GBE1: variants seen among roughly 807,000 people sequenced by gnomAD.
GBE1 encodes 1,4-alpha-glucan-branching enzyme.
GBE1 carries 70 observed loss-of-function variants against 88.8 expected under a neutral mutation model. That is an observed-to-expected ratio of 0.79 (90% CI 0.65 to 0.96). GBE1 has a LOEUF of 0.96. Ranked by LOEUF, GBE1 falls within the 40% of genes least tolerant of loss-of-function variation. The probability of loss-of-function intolerance (pLI) is 0.00; values close to 1 mark genes in which losing one functional copy is unlikely to be tolerated. For synonymous variants in GBE1, 284 were observed against 300.1 expected (o/e 0.95, Z 0.56); for missense variants, 872 against 871.0 (o/e 1.00, Z -0.01).
intron 3 of GBE1, among the ~76,000 whole-genome samples, chr3:81,660,572 G>A (rs569489403): frequency 6.6e-6 from 1 of 152,168 alleles, no homozygotes; most frequent in Admixed American, 6.5e-5. Context: ...AAGATGAGAC[G>A]CAGTGACCTA....
chr3:81,579,606 T>C (rs530762714), intron 11 of GBE1, among the ~76,000 whole-genome samples: 1 of 152,270 alleles, frequency 6.6e-6, no homozygotes, highest in Admixed American at 6.5e-5. Context: ...AGCTATAATT[T>C]ATGCATATAT....
At chr3:81,701,663 G>A (rs914749459) in intron 2 of GBE1, among the ~76,000 whole-genome samples, 1 of 151,972 alleles carries the variant, frequency 6.6e-6, no homozygotes, top group Admixed American at 6.6e-5. Flanking sequence ...GCCAGAGGAA[G>A]AACCATTGTT....
intron 10 of GBE1, among the ~76,000 whole-genome samples, chr3:81,585,243 A>G (rs1703786964): frequency 6.6e-6 from 1 of 152,128 alleles, no homozygotes; most frequent in Non-Finnish European, 1.5e-5. Flanking sequence ...GACAGGAAAG[A>G]CAGCTAAGAA....
chr3:81,740,712 G>C (rs1009908139), intron 1 of GBE1, among the ~76,000 whole-genome samples: 2 of 151,562 alleles, frequency 1.3e-5, no homozygotes, highest in African/African-American at 4.9e-5. Context: ...TTTAGTGGCT[G>C]AATCTGGAAA....
chr3:81,498,972 G>A (rs1702550297), intron 15 of GBE1, 138 bp downstream of exon 15: 6 of 610,380 alleles, frequency 9.8e-6, no homozygotes, highest in African/African-American at 5.6e-5. Context: ...GCCAAGCGTA[G>A]TCCCCTCTCC....
chr3:81,655,645 T>C (rs1248142115), intron 3 of GBE1, among the ~76,000 whole-genome samples: 5 of 151,962 alleles, frequency 3.3e-5, no homozygotes, highest in Admixed American at 2.6e-4. Context: ...GCCTCCTGAG[T>C]AGCTGGGATT....
At chr3:81,537,660 A>G (rs1251597468) in intron 12 of GBE1, among the ~76,000 whole-genome samples, 1 of 152,048 alleles carries the variant, frequency 6.6e-6, no homozygotes, top group Non-Finnish European at 1.5e-5. Context: ...TTTTCCTACC[A>G]CATCACATTA....
At position 81,550,450 on chromosome 3, in the gene GBE1, C is replaced by A. The variant is rs149853819; in HGVS notation, c.1619-13355G>T. Among the ~76,000 whole-genome samples the A allele has an allele frequency of 2.4e-3, 364 of 151,388 alleles. 3 individuals are homozygous for A. Among genetic ancestry groups the A allele is most frequent in the African/African-American group, 8.4e-3 (349 of 41,420 alleles). Reference sequence around the variant, plus strand: ...CATCCCTCTATAACCTTTAAGAGTTCTCTTATAAAATGGAGGGAGAATATA... The same window carrying A: ...CATCCCTCTATAACCTTTAAGAGTTATCTTATAAAATGGAGGGAGAATATA... On this transcript the variant is annotated intron_variant, in intron 12 of 15. Coordinates refer to ENST00000429644, the MANE Select transcript of GBE1 (RefSeq NM_000158.4).
At chr3:81,709,845 T>C (rs1325311652) in intron 1 of GBE1, among the ~76,000 whole-genome samples, 1 of 152,212 alleles carries the variant, frequency 6.6e-6, no homozygotes, top group Non-Finnish European at 1.5e-5. Context: ...AAGCTCATCA[T>C]GCCTGTGCCC....
chr3:81,708,353 T>C (rs1405655466), intron 1 of GBE1, among the ~76,000 whole-genome samples: 1 of 152,036 alleles, frequency 6.6e-6, no homozygotes, highest in African/African-American at 2.4e-5. Flanking sequence ...ATTTATAAAC[T>C]TTAATATTTT....
chr3:81,728,267 T>C (rs1463319477), intron 1 of GBE1, among the ~76,000 whole-genome samples: 1 of 152,118 alleles, frequency 6.6e-6, no homozygotes, highest in African/African-American at 2.4e-5. Context: ...GTATTGAAAG[T>C]AATTTAAACT....
chr3:81,668,012 C>T (rs1189858153), intron 3 of GBE1, among the ~76,000 whole-genome samples: 1 of 152,144 alleles, frequency 6.6e-6, no homozygotes, highest in East Asian at 1.9e-4. Context: ...AAATGTGGTA[C>T]ATACACACCA....
chr3:81,619,249 T>C (rs1448190856), intron 7 of GBE1, among the ~76,000 whole-genome samples: 1 of 152,118 alleles, frequency 6.6e-6, no homozygotes, highest in Non-Finnish European at 1.5e-5. Flanking sequence ...GTCCTTCATA[T>C]TATCCAAGTC....
intron 3 of GBE1, among the ~76,000 whole-genome samples, chr3:81,667,067 G>A (rs371443107): frequency 6.6e-6 from 1 of 152,280 alleles, no homozygotes; most frequent in East Asian, 1.9e-4. Context: ...TTCTGAACTA[G>A]AGACAGAATG....
At chr3:81,623,551 AC>A (rs1182268918) in intron 7 of GBE1, among the ~76,000 whole-genome samples, 4 of 152,150 alleles carry the variant, frequency 2.6e-5, no homozygotes, top group African/African-American at 9.7e-5. Flanking sequence ...TGTTTTCTTC[AC>A]TGCTTCATTC....
intron 9 of GBE1, among the ~76,000 whole-genome samples, chr3:81,589,214 T>A (rs1033049587): frequency 6.6e-6 from 1 of 151,910 alleles, no homozygotes. Flanking sequence ...GATACATCAA[T>A]CAAAAATGTT....
At chr3:81,502,315 CTACT>C (rs1441299796) in intron 14 of GBE1, among the ~76,000 whole-genome samples, 1 of 152,136 alleles carries the variant, frequency 6.6e-6, no homozygotes, top group African/African-American at 2.4e-5. Flanking sequence ...GTGTTAGAAT[CTACT>C]TACTTTATAT....
intron 12 of GBE1, among the ~76,000 whole-genome samples, chr3:81,559,574 T>G (rs1197035341): frequency 6.6e-6 from 1 of 151,962 alleles, no homozygotes; most frequent in Non-Finnish European, 1.5e-5. Context: ...ATCTAAGGTT[T>G]TATTTGTTCT....
At chr3:81,663,645 C>A (rs1705062541) in intron 3 of GBE1, among the ~76,000 whole-genome samples, 1 of 152,166 alleles carries the variant, frequency 6.6e-6, no homozygotes, top group African/African-American at 2.4e-5. Flanking sequence ...TGTGACAGGG[C>A]AGAGGGTCTA....
Sources: gnomAD v4.1 joint callset for allele counts (sites outside exome capture counted in the v4.1 genomes callset) on GRCh38, gnomAD v4.1.1 for gene constraint, MANE v1.5 for transcripts, NCBI Gene and HGNC (gene_info 2026-07-23, HGNC 2026-07-21) for gene names.